Variants in HFM1 observed in about 807,000 individuals in gnomAD.
HFM1 encodes helicase for meiosis 1.
Under a neutral mutation model 192.1 loss-of-function variants are expected in HFM1, and 169 were observed. The ratio of observed to expected loss-of-function variants is 0.88; its 90% CI spans 0.78 to 1.00. HFM1 has a LOEUF of 1.00. HFM1 is among the 50% of genes least tolerant of loss of function. The pLI is 0.00. For synonymous variants in HFM1, 525 were observed against 537.8 expected, an observed-to-expected ratio of 0.98 and a Z score of 0.33; for missense variants, 1,661 against 1,668.0, an observed-to-expected ratio of 1.00 and a Z score of 0.07.
At chr1:91,320,774 C>T (rs1434081422) in intron 23 of HFM1, among the ~76,000 whole-genome samples, 1 of 152,038 alleles carries the variant, frequency 6.6e-6, no homozygotes, top group East Asian at 1.9e-4. Context: ...ATGATCTTAC[C>T]CCTGAGCTTG....
At chr1:91,328,925 T>A (rs1653362009) in intron 20 of HFM1, 1 of 1,611,536 alleles carries the variant, frequency 6.2e-7, no homozygotes, top group Non-Finnish European at 8.5e-7. Flanking sequence ...GGACATGGAC[T>A]GCTTCACCTT....
At chr1:91,278,921 GAGAAA>G (rs1463470040) in intron 30 of HFM1, among the ~76,000 whole-genome samples, 4 of 152,134 alleles carry the variant, frequency 2.6e-5, no homozygotes, top group South Asian at 4.1e-4. Context: ...TCTGAAACTA[GAGAAA>G]AGAACTCTCA....
intron 7 of HFM1, 77 bp from the exon 8 acceptor site, chr1:91,380,313 CT>C: frequency 1.1e-6 from 1 of 932,878 alleles, no homozygotes; most frequent in Non-Finnish European, 1.5e-6. Context: ...AAAAAAAAGT[CT>C]TAGTAAGAAT....
rs142151298 is a variant in HFM1, at chr1:91,354,714, A to G, written c.1686-1415T>C. 3.6e-3 allele frequency among the ~76,000 whole-genome samples: 552 copies of G among 152,228 alleles called. 5 individuals are homozygous for G. Among genetic ancestry groups the G allele is most frequent in the Admixed American group, 0.017 (266 of 15,296 alleles). ...ATTCAAAGTCCTGAAAGAAGACAAT[A>G]TTGCCAGTAAACAATACTATACAAA... On this transcript the variant is annotated intron_variant, in intron 13 of 38. Transcript: ENST00000370425.
rs1289850094 is a variant in HFM1 at position 91,392,707 on chromosome 1, CA to C, written c.494+1385del. Among the ~76,000 whole-genome samples, 3 of 151,958 alleles carry C rather than the reference CA, an allele frequency of 2.0e-5. No homozygotes were observed. In the East Asian group the frequency reaches 5.8e-4, roughly 29 times the overall value. ...CATGTATACATATGTAACAAACCTGCATGTTGTGCACAGGTACTCTATAACT... is the reference window on the plus strand; with the variant it reads ...CATGTATACATATGTAACAAACCTGCTGTTGTGCACAGGTACTCTATAACT... On this transcript the variant is annotated intron_variant, in intron 4 of 38. Transcript: ENST00000370425.
At chr1:91,385,964 C>T (rs1472905516) in intron 4 of HFM1, 130 bp from the exon 5 acceptor site, 3 of 689,570 alleles carry the variant, frequency 4.4e-6, no homozygotes, top group Non-Finnish European at 2.5e-6. Context: ...AAAAGCTAAA[C>T]ATTCTCCTAA....
intron 13 of HFM1, among the ~76,000 whole-genome samples, chr1:91,372,956 G>A (rs770820338): frequency 3.3e-5 from 5 of 151,698 alleles, no homozygotes; most frequent in African/African-American, 7.3e-5. Context: ...CTTTGTTGAC[G>A]TGTATTATAA....
intron 30 of HFM1, among the ~76,000 whole-genome samples, chr1:91,302,386 G>A (rs1648925978): frequency 1.3e-5 from 2 of 151,896 alleles, no homozygotes; most frequent in South Asian, 2.1e-4. Context: ...GATTCCTCAG[G>A]GATCTAGAAC....
chr1:91,318,979 C>A lies in HFM1; in HGVS notation c.2812+99G>T, dbSNP rs915093702. ...ATTTAAGCCTACAAACACATACCTT[C>A]CTTGAAGGTCTGTAATCATCACAGA... On this transcript the variant is annotated intron_variant, in intron 25 of 38. Coordinates refer to ENST00000370425, the MANE Select transcript of HFM1 (RefSeq NM_001017975.6). The A allele has an allele frequency of 1.2e-5, 15 of 1,200,504 alleles. No individual in the cohort carries two copies. In the Admixed American group the frequency reaches 3.7e-4, roughly 29 times the overall value. 74.4% of individuals were successfully genotyped at this position (1,200,504 alleles called of 1,614,324 possible).
chr1:91,311,397 A>G (rs547341162), intron 30 of HFM1, among the ~76,000 whole-genome samples: 17 of 152,272 alleles, frequency 1.1e-4, no homozygotes, highest in Non-Finnish European at 2.4e-4. Context: ...AGGCCGAGGC[A>G]GGTGGATCAC....
rs1666541200 is a variant in HFM1, at chr1:91,273,778, C to T, written c.3706G>A (p.Glu1236Lys). ...YLNISELPIM[E>K]QWDQPEIYGK... ...TAGATTTCAGGCTGATCCCACTGCT[C>T]CATTATAGGCAATTCAGATATGTTT... The change falls in exon 34 of 39, where the codon GAG becomes AAG. Residue 1236 changes from glutamate to lysine, a missense_variant. Physicochemically the swap from Glu to Lys is moderately conservative, Grantham distance 56. Transcript: ENST00000370425. The T allele has an allele frequency of 6.3e-7, 1 of 1,597,506 alleles. No homozygotes were observed. The highest frequency in any genetic ancestry group is 1.1e-5 in the South Asian group (1 of 90,554).
chr1:91,401,464 T>A (rs553613497), intron 1 of HFM1, among the ~76,000 whole-genome samples: 3 of 152,368 alleles, frequency 2.0e-5, no homozygotes, highest in African/African-American at 7.2e-5. Flanking sequence ...CAAGGCAGAA[T>A]TAATCAGTCT....
intron 3 of HFM1, 85 bp downstream of exon 3, chr1:91,396,208 T>C (rs1303769834): frequency 3.3e-6 from 2 of 600,456 alleles, no homozygotes; most frequent in African/African-American, 3.7e-5. Flanking sequence ...ATACACAACG[T>C]GTAACAATCA....
At position 91,290,083 on chromosome 1, in the gene HFM1, C is replaced by T. The variant is rs531757879; in HGVS notation, c.3392-13021G>A. 1.1e-4 allele frequency among the ~76,000 whole-genome samples: 16 copies of T among 152,108 alleles called. No individual in the cohort carries two copies. The East Asian group carries it at 2.1e-3, about 20-fold the overall frequency. On this transcript the variant is annotated intron_variant, in intron 30 of 38. Transcript: ENST00000370425. ...ATGGAAAGGAACAATCGGTACCAGCCGCTGCAAAATCATGCCAAAATGTAA... is the reference window on the plus strand; with the variant it reads ...ATGGAAAGGAACAATCGGTACCAGCTGCTGCAAAATCATGCCAAAATGTAA...
intron 30 of HFM1, among the ~76,000 whole-genome samples, chr1:91,299,608 C>CTAGA (rs1159505169): frequency 3.9e-5 from 6 of 152,284 alleles, no homozygotes; most frequent in African/African-American, 1.4e-4. Context: ...TGCAATCAAA[C>CTAGA]TAGAACTCAG....
At chr1:91,364,558 G>A (rs1157778316) in intron 13 of HFM1, among the ~76,000 whole-genome samples, 2 of 143,056 alleles carry the variant, frequency 1.4e-5, no homozygotes, top group East Asian at 4.1e-4. Flanking sequence ...ATGAACTAAT[G>A]CATAAGAAAA....
rs576174691 is a variant in HFM1, at chr1:91,329,643, C to A, written c.2336-4877G>T. On this transcript the variant is annotated intron_variant, in intron 20 of 38. Coordinates refer to ENST00000370425, the MANE Select transcript of HFM1 (RefSeq NM_001017975.6). ...ATTCTAAGGTTTTTCTAGCGTGACC[C>A]TTTTCAGTAGTGCTAGTCCCTTTTT... is the stretch of plus-strand genomic sequence containing the variant. 145 of 672,288 alleles carry A rather than the reference C, an allele frequency of 2.2e-4. 4 individuals carry two copies. The South Asian group carries it at 2.8e-3, about 13-fold the overall frequency. 41.6% of individuals were successfully genotyped at this position (672,288 alleles called of 1,614,324 possible). A position where few individuals can be genotyped will look rare whatever the true frequency, so the allele number is the denominator to read the frequency against.
intron 13 of HFM1, among the ~76,000 whole-genome samples, chr1:91,371,631 T>TA (rs890603083): frequency 3.8e-4 from 52 of 136,830 alleles, no homozygotes; most frequent in African/African-American, 1.4e-3. Flanking sequence ...CCTAAAACCA[T>TA]AAAAACCCTA....
intron 28 of HFM1, among the ~76,000 whole-genome samples, chr1:91,314,789 C>A (rs1056904976): frequency 6.6e-6 from 1 of 152,146 alleles, no homozygotes; most frequent in African/African-American, 2.4e-5. Context: ...TTATTTTAGT[C>A]TCATGTAGTC....
Sources: gnomAD v4.1 joint callset for allele counts (sites outside exome capture counted in the v4.1 genomes callset) on GRCh38, gnomAD v4.1.1 for gene constraint, MANE v1.5 for transcripts, NCBI Gene and HGNC (gene_info 2026-07-23, HGNC 2026-07-21) for gene names.